Variants in PPP1R1C observed in about 807,000 individuals in gnomAD.
The protein encoded by PPP1R1C is protein phosphatase 1 regulatory subunit 1C.
PPP1R1C carries 15 observed loss-of-function variants against 17.4 expected under a neutral mutation model. The observed-to-expected ratio is 0.86, with a 90% confidence interval of 0.58 to 1.33. The LOEUF (loss-of-function observed/expected upper bound fraction) is 1.33, where lower values mean the gene tolerates loss of function less well. PPP1R1C is among the 40% of genes most tolerant of loss of function. The pLI, the probability that PPP1R1C is intolerant of heterozygous loss-of-function variation, is 0.00. For missense variants in PPP1R1C, 143 were observed against 130.0 expected (o/e 1.10, Z -0.48); for synonymous variants, 35 against 43.1 (o/e 0.81, Z 0.73).
rs75305409 is a variant in PPP1R1C, at chr2:181,960,755, C to T, written n.111+6121C>T. 8.9e-3 allele frequency among the ~76,000 whole-genome samples: 1,350 copies of T among 152,316 alleles called. 23 individuals carry two copies. Among genetic ancestry groups the T allele is most frequent in the African/African-American group, 0.031 (1,303 of 41,562 alleles). On this transcript the variant is annotated intron_variant and non_coding_transcript_variant, in intron 1 of 5. Coordinates refer to the PPP1R1C transcript ENST00000464264. ...AGTGGGGACAGCTGAAATGTTGATGCTGCCATCTGGGAATCACTTTCTTGT... is the reference window on the plus strand; with the variant it reads ...AGTGGGGACAGCTGAAATGTTGATGTTGCCATCTGGGAATCACTTTCTTGT...
chr2:182,039,709 G>C lies in PPP1R1C; in HGVS notation c.143-21733G>C, dbSNP rs558634981. Among the ~76,000 whole-genome samples, 5 of 152,158 alleles carry C rather than the reference G, an allele frequency of 3.3e-5. No individual in the cohort carries two copies. In the South Asian group the frequency reaches 1.0e-3, roughly 32 times the overall value. ...ACAAGGGGTTTTTGGTTACGTAGAC[G>C]AATTGTATAGTGGTGAAATCTAAGA... On this transcript the variant is annotated intron_variant, in intron 2 of 4. Transcript: ENST00000682840.
rs538687000 is a variant in PPP1R1C, at chr2:182,053,388, C to T, written c.143-8054C>T. ...TCTTATTCATTGATAAAATAAAGGT[C>T]ATTGTAACTATTGATCTTTTTCGAT... On this transcript the variant is annotated intron_variant, in intron 2 of 4. Transcript: ENST00000682840. Among the ~76,000 whole-genome samples the T allele has an allele frequency of 1.6e-4, 25 of 152,208 alleles. No individual in the cohort carries two copies. The South Asian group carries it at 2.9e-3, about 18-fold the overall frequency.
intron 4 of PPP1R1C, among the ~76,000 whole-genome samples, chr2:182,099,020 G>A (rs1412110796): frequency 6.6e-6 from 1 of 152,098 alleles, no homozygotes; most frequent in Admixed American, 6.5e-5. Flanking sequence ...AAGGTGATGG[G>A]GGAGGTCACC....
At chr2:182,063,420 G>A (rs1044807674) in intron 3 of PPP1R1C, among the ~76,000 whole-genome samples, 5 of 151,972 alleles carry the variant, frequency 3.3e-5, no homozygotes, top group African/African-American at 1.2e-4. Context: ...CAAATGAAAA[G>A]GATTGGTGTC....
intron 2 of PPP1R1C, among the ~76,000 whole-genome samples, chr2:181,990,327 G>A (rs531179442): frequency 6.8e-6 from 1 of 147,760 alleles, no homozygotes; most frequent in Non-Finnish European, 1.5e-5. Context: ...TTTTTTTTTA[G>A]TAGAGACGGG....
chr2:182,030,816 C>T (rs983554536), intron 2 of PPP1R1C: 32 of 160,412 alleles, frequency 2.0e-4, no homozygotes, highest in African/African-American at 6.5e-4. Context: ...CCTAGCCTCG[C>T]TGCCGCCTTG....
chr2:182,117,107 A>G (rs1689606591), intron 4 of PPP1R1C, 100 bp from the exon 5 acceptor site: 1 of 830,902 alleles, frequency 1.2e-6, no homozygotes, highest in African/African-American at 1.8e-5. Flanking sequence ...ATAAACACCA[A>G]ATGAAAACTT....
At chr2:181,964,825 G>A (rs967258728) in intron 1 of PPP1R1C, among the ~76,000 whole-genome samples, 5 of 152,046 alleles carry the variant, frequency 3.3e-5, no homozygotes, top group Non-Finnish European at 7.4e-5. Flanking sequence ...CCTGCCACAG[G>A]CTCCAGAGTA....
At chr2:182,072,254 A>G (rs1688161989) in intron 4 of PPP1R1C, among the ~76,000 whole-genome samples, 1 of 152,286 alleles carries the variant, frequency 6.6e-6, no homozygotes, top group Non-Finnish European at 1.5e-5. Context: ...TTTATGCCTA[A>G]TGGAGTGTTC....
rs529353606 is a variant in PPP1R1C, at chr2:182,078,355, C to T, written c.241+14564C>T. On this transcript the variant is annotated intron_variant, in intron 4 of 4. Coordinates refer to ENST00000682840, the MANE Select transcript of PPP1R1C (RefSeq NM_001080545.3). Reference sequence around the variant, plus strand: ...CTTACTTTTTGCAGTAAAAAGCAGGCTCTAGATAGAGTAGGCAGGTATTTT... The same window carrying T: ...CTTACTTTTTGCAGTAAAAAGCAGGTTCTAGATAGAGTAGGCAGGTATTTT... 2.0e-5 allele frequency among the ~76,000 whole-genome samples: 3 copies of T among 152,224 alleles called. No individual in the cohort carries two copies. In the East Asian group the frequency reaches 5.8e-4, roughly 29 times the overall value.
At chr2:182,130,165 A>G (rs1285232032), downstream of PPP1R1C, 2 of 152,178 alleles carry the variant, frequency 1.3e-5, no homozygotes, top group Non-Finnish European at 1.5e-5. Flanking sequence ...TTGATTTCTC[A>G]TAAGTTGCAA....
intron 2 of PPP1R1C, among the ~76,000 whole-genome samples, chr2:182,017,731 G>T (rs763008344): frequency 2.0e-5 from 3 of 152,060 alleles, no homozygotes; most frequent in Admixed American, 6.6e-5. Flanking sequence ...TGCTATATTT[G>T]TCAAAATACA....
chr2:181,985,006 A>G (rs1196292), upstream of PPP1R1C, among the ~76,000 whole-genome samples: 180 of 152,226 alleles, frequency 1.2e-3, no homozygotes, highest in African/African-American at 4.1e-3. The surrounding 1 kb of genome is among the most constrained non-coding windows in gnomAD (Gnocchi z 4.1). Context: ...AACATTACCC[A>G]CTTCATGCTT....
chr2:182,126,231 A>G (rs1358834922), intron 5 of PPP1R1C, among the ~76,000 whole-genome samples: 1 of 152,046 alleles, frequency 6.6e-6, no homozygotes, highest in Non-Finnish European at 1.5e-5. Flanking sequence ...TTGCAAAATG[A>G]ATAATAGAAA....
In PPP1R1C at chr2:182,093,109, A is replaced by C. The variant is rs112863450; in HGVS notation, c.242-24098A>C. ...CAAGCATCTGCCTGGACATCCATGCATTTCCATACATCCTTTAAAATCTAG... is the reference window on the plus strand; with the variant it reads ...CAAGCATCTGCCTGGACATCCATGCCTTTCCATACATCCTTTAAAATCTAG... On this transcript the variant is annotated intron_variant, in intron 4 of 4. Coordinates refer to ENST00000682840, the MANE Select transcript of PPP1R1C (RefSeq NM_001080545.3). 7.9e-4 allele frequency among the ~76,000 whole-genome samples: 120 copies of C among 152,300 alleles called. 1 individual carries two copies. Among genetic ancestry groups the C allele is most frequent in the Middle Eastern group, 3.4e-3 (1 of 294 alleles).
intron 2 of PPP1R1C, among the ~76,000 whole-genome samples, chr2:182,003,236 C>T (rs1362324231): frequency 6.6e-6 from 1 of 152,162 alleles, no homozygotes; most frequent in Non-Finnish European, 1.5e-5. Flanking sequence ...TTGTATTTCA[C>T]TACCTTTGCT....
downstream of PPP1R1C, chr2:182,130,495 C>T (rs1187810472): frequency 6.6e-6 from 1 of 152,138 alleles, no homozygotes; most frequent in Non-Finnish European, 1.5e-5. Flanking sequence ...TACAACATGG[C>T]TTTGCATGAA....
intron 5 of PPP1R1C, among the ~76,000 whole-genome samples, chr2:182,124,328 T>TTTTTTTTTTGTTTTTTTTTTTTG (rs1689817927): frequency 1.8e-5 from 1 of 55,598 alleles, no homozygotes; most frequent in Non-Finnish European, 4.8e-5. Flanking sequence ...TTTTTTTTTG[T>TTTTTTTTTTGTTTTTTTTTTTTG]TTTTTTTTTT....
intron 2 of PPP1R1C, among the ~76,000 whole-genome samples, chr2:182,053,572 A>C (rs1198129496): frequency 6.6e-6 from 1 of 151,866 alleles, no homozygotes; most frequent in Non-Finnish European, 1.5e-5. Context: ...TACCCTTAAG[A>C]TTTCTCTTTA....
Sources: allele counts gnomAD v4.1 joint callset (sites outside exome capture counted in the v4.1 genomes callset), GRCh38; gene constraint gnomAD v4.1.1; non-coding constraint Gnocchi (gnomAD v3.1); transcripts MANE v1.5; gene names NCBI Gene and HGNC (gene_info 2026-07-23, HGNC 2026-07-21).